Variants in ZYG11A observed in about 807,000 individuals in gnomAD.
The protein encoded by ZYG11A is zyg-11 family member A, cell cycle regulator.
In ZYG11A, 62 loss-of-function variants were observed where a neutral mutation model predicts 77.2. The ratio of observed to expected loss-of-function variants is 0.80; its 90% CI spans 0.65 to 0.99. ZYG11A has a LOEUF of 0.99. Among genes scored for constraint, ZYG11A ranks in the 50% least tolerant of loss-of-function variants. The probability of loss-of-function intolerance (pLI) is 0.00; values close to 1 mark genes in which losing one functional copy is unlikely to be tolerated. For synonymous variants in ZYG11A, 315 were observed against 324.6 expected (o/e 0.97, Z 0.32); for missense variants, 828 against 896.8 (o/e 0.92, Z 0.98).
intron 13 of ZYG11A, among the ~76,000 whole-genome samples, chr1:52,887,556 T>G (rs1646473263): frequency 6.6e-6 from 1 of 151,998 alleles, no homozygotes; most frequent in South Asian, 2.1e-4. Context: ...CCAGACAGAT[T>G]AAATATTTCT....
At chr1:52,850,403 C>G (rs1215275378) in intron 1 of ZYG11A, among the ~76,000 whole-genome samples, 1 of 151,672 alleles carries the variant, frequency 6.6e-6, no homozygotes, top group Non-Finnish European at 1.5e-5. Flanking sequence ...ACTGCAACCT[C>G]TGCATCCCAG....
chr1:52,884,955 G>T (rs1487785096), intron 11 of ZYG11A, among the ~76,000 whole-genome samples: 1 of 151,390 alleles, frequency 6.6e-6, no homozygotes, highest in Admixed American at 6.6e-5. Context: ...CCAGGCTGGA[G>T]TGCAGTGCAG....
intron 1 of ZYG11A, among the ~76,000 whole-genome samples, chr1:52,847,584 TTTTG>T (rs1488859339): frequency 4.6e-5 from 7 of 151,988 alleles, no homozygotes; most frequent in African/African-American, 7.2e-5. Flanking sequence ...TTGTCTCTGC[TTTTG>T]TTTATCTGAG....
chr1:52,860,652 C>T (rs1645910167), intron 3 of ZYG11A, 79 bp from the exon 4 acceptor site: 3 of 1,469,172 alleles, frequency 2.0e-6, no homozygotes, highest in Admixed American at 2.1e-5. Context: ...CACTGGATGC[C>T]CCAAAAACCC....
chr1:52,876,345 G>A (rs764763861), intron 8 of ZYG11A, among the ~76,000 whole-genome samples: 1 of 152,098 alleles, frequency 6.6e-6, no homozygotes, highest in Non-Finnish European at 1.5e-5. Flanking sequence ...TAGGAGTTTT[G>A]CCATATAATA....
intron 8 of ZYG11A, among the ~76,000 whole-genome samples, chr1:52,869,475 G>A (rs1459991933): frequency 6.6e-6 from 1 of 151,604 alleles, no homozygotes; most frequent in Non-Finnish European, 1.5e-5. Flanking sequence ...TCAAGCTTCT[G>A]TTTAGCAAAG....
chr1:52,862,314 G>T lies in ZYG11A; in HGVS notation c.1149+1443G>T, dbSNP rs866078107. ...TACGTGAGCCCAGGATTTTTTTTTG[G>T]TTTTTTTTTTTTTTTGAGACGGCGT... On this transcript the variant is annotated intron_variant, in intron 4 of 13. Transcript: ENST00000371528. 3.2e-3 allele frequency among the ~76,000 whole-genome samples: 439 copies of T among 138,254 alleles called. 1 individual carries two copies. The highest frequency in any genetic ancestry group is 8.8e-3 in the African/African-American group (336 of 37,982). 90.7% of individuals were successfully genotyped at this position (138,254 alleles called of 152,430 possible).
intron 11 of ZYG11A, among the ~76,000 whole-genome samples, chr1:52,884,059 T>C (rs1210282960): frequency 6.6e-6 from 1 of 151,916 alleles, no homozygotes; most frequent in Non-Finnish European, 1.5e-5. Context: ...TATATTTTTT[T>C]AGTAGAGACG....
chr1:52,885,621 CG>C (rs1439051646), intron 11 of ZYG11A, among the ~76,000 whole-genome samples: 1 of 152,114 alleles, frequency 6.6e-6, no homozygotes, highest in Non-Finnish European at 1.5e-5. Flanking sequence ...GAGGTAAATT[CG>C]TGCTCAGTCC....
rs1036526936 is a variant in ZYG11A at position 52,893,243 on chromosome 1, C to G, written c.*286C>G. The G allele has an allele frequency of 3.3e-6, 1 of 300,466 alleles. No homozygotes were observed. Among genetic ancestry groups the G allele is most frequent in the Admixed American group, 4.7e-5 (1 of 21,302 alleles). The allele number at this position is 300,466 out of a possible 1,614,324, so 18.6% of individuals were successfully genotyped here. ...GAACAGCTATGCAAGTTACTTTTCT[C>G]TAGCCTTGGACAATTTTTTCCCTTT... On this transcript the variant is annotated 3_prime_UTR_variant, in exon 14 of 14. Coordinates refer to ENST00000371528, the MANE Select transcript of ZYG11A (RefSeq NM_001004339.3).
intron 5 of ZYG11A, among the ~76,000 whole-genome samples, chr1:52,865,404 C>T (rs1252631767): frequency 1.3e-5 from 2 of 152,174 alleles, no homozygotes; most frequent in Admixed American, 1.3e-4. Flanking sequence ...GATTTGAACA[C>T]TTTGGTAGTT....
chr1:52,870,885 AG>A (rs1477752436), intron 8 of ZYG11A, among the ~76,000 whole-genome samples: 1 of 142,230 alleles, frequency 7.0e-6, no homozygotes, highest in Non-Finnish European at 1.5e-5. Flanking sequence ...GGGGAGGGGG[AG>A]GGGGAGAGGG....
chr1:52,843,064 A>C (rs1645481745), intron 1 of ZYG11A, 91 bp downstream of exon 1: 1 of 1,178,006 alleles, frequency 8.5e-7, no homozygotes, highest in South Asian at 1.7e-5. Flanking sequence ...CTGCCGAGGC[A>C]CTTGCTGGGG....
intron 11 of ZYG11A, among the ~76,000 whole-genome samples, chr1:52,883,213 T>C (rs1022064063): frequency 5.3e-5 from 8 of 151,742 alleles, no homozygotes; most frequent in African/African-American, 1.9e-4. Context: ...GCCTCCTGGG[T>C]TCAAGTGATA....
intron 12 of ZYG11A, among the ~76,000 whole-genome samples, chr1:52,886,733 G>T (rs1252294417): frequency 3.4e-5 from 2 of 59,192 alleles, no homozygotes; most frequent in South Asian, 6.3e-4. Context: ...TTTTTGTAGA[G>T]ACGGGGGCTC....
intron 13 of ZYG11A, among the ~76,000 whole-genome samples, chr1:52,888,845 G>T (rs781245116): frequency 1.2e-4 from 18 of 152,172 alleles, no homozygotes; most frequent in Non-Finnish European, 2.1e-4. Context: ...AAGAAGGAAA[G>T]AAATGTGGTT....
intron 1 of ZYG11A, among the ~76,000 whole-genome samples, chr1:52,852,351 A>G (rs1455019985): frequency 4.0e-5 from 6 of 148,798 alleles, no homozygotes; most frequent in African/African-American, 1.2e-4. Context: ...CTGGCCCGAC[A>G]GTTAATTTTA....
intron 10 of ZYG11A, among the ~76,000 whole-genome samples, chr1:52,879,853 C>T (rs1646333156): frequency 6.7e-6 from 1 of 149,762 alleles, no homozygotes; most frequent in Non-Finnish European, 1.5e-5. Context: ...ACCTCTGCCT[C>T]CCGGGTTCAA....
chr1:52,867,693 C>T (rs753040324), intron 7 of ZYG11A, 34 bp from the exon 8 acceptor site: 18 of 1,550,942 alleles, frequency 1.2e-5, no homozygotes, highest in Non-Finnish European at 1.5e-5. Flanking sequence ...ATACAGGTTC[C>T]ATAGTTCACT....
Sources: gnomAD v4.1 joint callset for allele counts (sites outside exome capture counted in the v4.1 genomes callset) on GRCh38, gnomAD v4.1.1 for gene constraint, MANE v1.5 for transcripts, NCBI Gene and HGNC (gene_info 2026-07-23, HGNC 2026-07-21) for gene names.